Variants in DIP2C observed in about 807,000 individuals in gnomAD.
The protein encoded by DIP2C is DIP2 acetate--CoA ligase C (putative).
A neutral mutation model predicts 192.4 loss-of-function variants in DIP2C; 33 were observed. The observed-to-expected ratio is 0.17, with a 90% CI of 0.13 to 0.23. DIP2C has a LOEUF of 0.23. Ranked by LOEUF, DIP2C falls within the 10% of genes least tolerant of loss-of-function variation. The pLI is 1.00. For synonymous variants in DIP2C, 979 were observed against 864.1 expected (o/e 1.13, Z -2.33); for missense variants, 1,537 against 2,110.1 (o/e 0.73, Z 5.32).
chr10:404,277 C>T (rs1033678207), intron 9 of DIP2C, among the ~76,000 whole-genome samples: 2 of 151,070 alleles, frequency 1.3e-5, no homozygotes, highest in Non-Finnish European at 1.5e-5. Context: ...AGTGCAATCT[C>T]GGCTCACTGC....
intron 2 of DIP2C, among the ~76,000 whole-genome samples, chr10:478,008 A>AG (rs1554874344): frequency 4.9e-4 from 2 of 4,048 alleles, no homozygotes; most frequent in Non-Finnish European, 8.7e-4. Flanking sequence ...AGAGGAAAAA[A>AG]GAGGGGAGGG....
At chr10:288,310 TAC>T in intron 33 of DIP2C, 52 bp downstream of exon 33, 1 of 1,528,176 alleles carries the variant, frequency 6.5e-7, no homozygotes, top group Middle Eastern at 1.7e-4. Context: ...TCAAAGCCCA[TAC>T]AGTCAGAAGC....
chr10:490,288 G>A (rs1042038686), intron 1 of DIP2C, among the ~76,000 whole-genome samples: 6 of 152,164 alleles, frequency 3.9e-5, no homozygotes, highest in African/African-American at 7.2e-5. Flanking sequence ...CTCACCTTGC[G>A]TCCATCAGGG....
At chr10:495,860 C>A (rs1844791033) in intron 1 of DIP2C, among the ~76,000 whole-genome samples, 1 of 151,960 alleles carries the variant, frequency 6.6e-6, no homozygotes, top group Admixed American at 6.6e-5. Flanking sequence ...TACACAGAAC[C>A]CATGGTGCCC....
At chr10:471,128 C>T (rs891498809) in intron 3 of DIP2C, among the ~76,000 whole-genome samples, 9 of 152,294 alleles carry the variant, frequency 5.9e-5, no homozygotes, top group South Asian at 2.1e-4. Flanking sequence ...ACAAATTCTC[C>T]TTCATTCCAT....
chr10:466,844 C>A (rs1970243159), intron 3 of DIP2C, among the ~76,000 whole-genome samples: 1 of 134,806 alleles, frequency 7.4e-6, no homozygotes, highest in African/African-American at 2.5e-5. Flanking sequence ...TATCATCGCA[C>A]ACCAGTTAGA....
rs115345403 is a variant in DIP2C at position 410,045 on chromosome 10, C to A, written c.1058-1028G>T. On this transcript the variant is annotated intron_variant, in intron 8 of 36. Coordinates refer to ENST00000280886, the MANE Select transcript of DIP2C (RefSeq NM_014974.3). ...CCATCACTGTTTTAATCTTTTCCCT[C>A]TTTTAAATCCAAACACTAAATCAGA... Among the ~76,000 whole-genome samples the A allele has an allele frequency of 6.0e-3, 913 of 152,320 alleles. 3 individuals carry two copies. Among genetic ancestry groups the A allele is most frequent in the Middle Eastern group, 0.014 (4 of 294 alleles).
At chr10:314,379 T>C (rs1956687102) in intron 31 of DIP2C, among the ~76,000 whole-genome samples, 1 of 152,184 alleles carries the variant, frequency 6.6e-6, no homozygotes, top group Non-Finnish European at 1.5e-5. Context: ...CTTCCCATCT[T>C]TCCTGACCCC....
At chr10:407,287 G>GTGT (rs2133063696) in intron 9 of DIP2C, among the ~76,000 whole-genome samples, 1 of 152,336 alleles carries the variant, frequency 6.6e-6, no homozygotes, top group South Asian at 2.1e-4. Flanking sequence ...GTTCATCCAT[G>GTGT]TGTTATGTGT....
At chr10:521,425 A>G (rs554887820) in intron 1 of DIP2C, among the ~76,000 whole-genome samples, 66 of 152,294 alleles carry the variant, frequency 4.3e-4, no homozygotes, top group African/African-American at 1.5e-3. Flanking sequence ...CCCTGGCCAC[A>G]TGCTCATCCC....
chr10:480,553 C>T (rs896596123), intron 2 of DIP2C, among the ~76,000 whole-genome samples: 4 of 152,254 alleles, frequency 2.6e-5, no homozygotes, highest in South Asian at 2.1e-4. Context: ...CGGGCCTTCA[C>T]GTTTCTGCAC....
In DIP2C at chr10:601,594, G is replaced by C. The variant is rs138026656; in HGVS notation, c.85+87900C>G. On this transcript the variant is annotated intron_variant, in intron 1 of 36. Transcript: ENST00000280886. ...GCCTGGAATGCAGACTTGTGGCAGA[G>C]ACTTCCTTCCTGCCCACCCTAACTG... 2.2e-3 allele frequency among the ~76,000 whole-genome samples: 339 copies of C among 152,324 alleles called. 2 individuals are homozygous for C. Among genetic ancestry groups the C allele is most frequent in the African/African-American group, 6.8e-3 (284 of 41,570 alleles).
chr10:546,139 G>A (rs952285331), intron 1 of DIP2C, among the ~76,000 whole-genome samples: 3 of 151,964 alleles, frequency 2.0e-5, no homozygotes, highest in Non-Finnish European at 4.4e-5. Context: ...AAAATTATCC[G>A]GGCTTGGTGG....
chr10:514,401 T>G (rs1205606100), intron 1 of DIP2C, among the ~76,000 whole-genome samples: 1 of 152,120 alleles, frequency 6.6e-6, no homozygotes, highest in African/African-American at 2.4e-5. Flanking sequence ...ATTCACAGGG[T>G]GCTGGCTTCG....
At chr10:384,452 G>A in intron 15 of DIP2C, 94 bp downstream of exon 15, 2 of 1,261,520 alleles carry the variant, frequency 1.6e-6, no homozygotes, top group East Asian at 2.3e-5. Flanking sequence ...TGGCCCGGGT[G>A]GTCTGGAACT....
Position 421,610 on chromosome 10 carries a change from A to G in DIP2C, c.604+1214T>C, listed in dbSNP as rs190767432. ...TATTAATTCACATAAACCAGTGTACATGTTCCTGAAACTGTGTTAAACTGA... is the reference window on the plus strand; with the variant it reads ...TATTAATTCACATAAACCAGTGTACGTGTTCCTGAAACTGTGTTAAACTGA... On this transcript the variant is annotated intron_variant, in intron 5 of 36. Transcript: ENST00000280886. 2.4e-3 allele frequency among the ~76,000 whole-genome samples: 367 copies of G among 152,364 alleles called. 1 individual carries two copies. The highest frequency in any genetic ancestry group is 2.5e-3 in the Non-Finnish European group (172 of 68,024).
intron 2 of DIP2C, among the ~76,000 whole-genome samples, chr10:477,987 G>C (rs1206914726): frequency 1.4e-5 from 1 of 72,566 alleles, no homozygotes. Flanking sequence ...GAAAGTAGAA[G>C]AGAAGATAGA....
Position 671,093 on chromosome 10 carries a change from C to T in DIP2C, c.85+18401G>A, listed in dbSNP as rs1260940550. On this transcript the variant is annotated intron_variant, in intron 1 of 36. Coordinates refer to ENST00000280886, the MANE Select transcript of DIP2C (RefSeq NM_014974.3). ...ACCAAGCCCCTCAGACCGAGGGCTC[C>T]GCTACGTGGCTATGACCCCATCCCT... is the stretch of plus-strand genomic sequence containing the variant. 2.0e-5 allele frequency among the ~76,000 whole-genome samples: 3 copies of T among 152,262 alleles called. No homozygotes were observed. The East Asian group carries it at 5.8e-4, about 29-fold the overall frequency.
rs891515829 is a variant in DIP2C, at chr10:275,167, G to C, written c.*2158C>G. The C allele has an allele frequency of 6.6e-6, 1 of 152,252 alleles. No homozygotes were observed. The highest frequency in any genetic ancestry group is 2.4e-5 in the African/African-American group (1 of 41,460). The allele number at this position is 152,252 out of a possible 1,614,324, so 9.4% of individuals were successfully genotyped here. A position where few individuals can be genotyped will look rare whatever the true frequency, so the allele number is the denominator to read the frequency against. On this transcript the variant is annotated 3_prime_UTR_variant, in exon 37 of 37. Coordinates refer to ENST00000280886, the MANE Select transcript of DIP2C (RefSeq NM_014974.3). Reference sequence around the variant, plus strand: ...GACATCTACATTTGTTTTGCTTCCTGACTTCAGCTGGACCTCAAAGCTGTC... The same window carrying C: ...GACATCTACATTTGTTTTGCTTCCTCACTTCAGCTGGACCTCAAAGCTGTC...
Sources: allele counts gnomAD v4.1 joint callset (sites outside exome capture counted in the v4.1 genomes callset), GRCh38; gene constraint gnomAD v4.1.1; transcripts MANE v1.5; gene names NCBI Gene and HGNC (gene_info 2026-07-23, HGNC 2026-07-21).